DOCK11: variants seen among roughly 807,000 people sequenced by gnomAD.
DOCK11 encodes the protein dedicator of cytokinesis protein 11.
DOCK11 carries 70 observed loss-of-function variants against 169.1 expected under a neutral mutation model. The observed-to-expected ratio is 0.41, with a 90% confidence interval of 0.34 to 0.51. The LOEUF is 0.51. Among genes scored for constraint, DOCK11 ranks in the 20% least tolerant of loss-of-function variants. The pLI is 0.10. For synonymous variants in DOCK11, 529 were observed against 541.3 expected, an observed-to-expected ratio of 0.98 and a Z score of 0.32; for missense variants, 1,166 against 1,538.8, an observed-to-expected ratio of 0.76 and a Z score of 4.05.
intron 1 of DOCK11, among the ~76,000 whole-genome samples, chrX:118,520,314 T>A (rs1418955562): frequency 8.9e-6 from 1 of 112,516 alleles, no homozygotes; most frequent in Admixed American, 9.4e-5. Context: ...TTAAGGCTCC[T>A]GAGCTCTGGC....
chrX:118,639,959 G>A (rs2015488699), intron 38 of DOCK11, among the ~76,000 whole-genome samples: 1 of 111,808 alleles, frequency 8.9e-6, no homozygotes, highest in South Asian at 3.6e-4. Context: ...TTTATATTGA[G>A]TATTCTTCAT....
In DOCK11 at chrX:118,561,363, G is replaced by A. The variant is rs1468912554; in HGVS notation, c.559-20G>A. ...ATGTATATGTAACAAATGTATCATTGCTGGGTTTTCCCCATGTAGGTATTC... is the reference window on the plus strand; with the variant it reads ...ATGTATATGTAACAAATGTATCATTACTGGGTTTTCCCCATGTAGGTATTC... On this transcript the variant is annotated intron_variant, in intron 6 of 52. Coordinates refer to ENST00000276202, the MANE Select transcript of DOCK11 (RefSeq NM_144658.4). 1.7e-6 allele frequency: 2 copies of A among 1,163,406 alleles called. No homozygotes were observed. The highest frequency in any genetic ancestry group is 4.1e-5 in the South Asian group (2 of 48,954).
intron 1 of DOCK11, among the ~76,000 whole-genome samples, chrX:118,530,462 C>T (rs1603034757): frequency 8.9e-6 from 1 of 112,477 alleles, no homozygotes; most frequent in Non-Finnish European, 1.9e-5. Flanking sequence ...CACTAGGAAA[C>T]AGTCTAAACT....
chrX:118,547,906 A>G (rs2012346278), intron 6 of DOCK11, among the ~76,000 whole-genome samples: 1 of 112,094 alleles, frequency 8.9e-6, no homozygotes, highest in Non-Finnish European at 1.9e-5. Flanking sequence ...AAATAGGGCC[A>G]GGCAGGAGGC....
Position 118,675,952 on chromosome X carries a change from A to C in DOCK11, c.5216A>C (p.Tyr1739Ser). Residue 1739 changes from tyrosine to serine, a missense_variant, in exon 47 of 53, where the codon TAT (tyrosine) becomes TCT (serine). Coordinates refer to ENST00000276202, the MANE Select transcript of DOCK11 (RefSeq NM_144658.4). ...RREFEKLTQV[Y>S]RTLHGAYTKI... The stretch of plus-strand genomic sequence containing the variant: ...ATTTTTCAGAAACTTACTCAAGTTT[A>C]TAGAACTCTTCATGGAGCTTACACA... 8.5e-7 allele frequency: 1 copy of C among 1,173,234 alleles called. No homozygotes were observed. The highest frequency in any genetic ancestry group is 1.1e-6 in the Non-Finnish European group (1 of 874,628).
chrX:118,598,255 C>T (rs2014230562), intron 22 of DOCK11, 139 bp downstream of exon 22: 2 of 408,826 alleles, frequency 4.9e-6, no homozygotes, highest in Non-Finnish European at 8.4e-6. Flanking sequence ...TGTCCAGGTG[C>T]AGTGGCTCAT....
chrX:118,658,739 A>T (rs1394750794), intron 44 of DOCK11, among the ~76,000 whole-genome samples: 1 of 112,355 alleles, frequency 8.9e-6, no homozygotes, highest in Non-Finnish European at 1.9e-5. Flanking sequence ...ATAAAATAAA[A>T]AATGTCAGAA....
chrX:118,671,179 T>C (rs375320616), intron 46 of DOCK11, 34 bp downstream of exon 46: 9 of 1,174,693 alleles, frequency 7.7e-6, no homozygotes, highest in African/African-American at 7.1e-5. Flanking sequence ...CATTGACTTA[T>C]GTATTTTATT....
At position 118,542,731 on chromosome X, in the gene DOCK11, G is replaced by A; in HGVS notation, c.109G>A (p.Ala37Thr). ...AVRGSVVLEK[A>T]KVVEPLDYEN... ...ACTTTTGTCTCTTATAAAGGAAAAG[G>A]CCAAAGTTGTTGAGCCCCTGGACTA... Residue 37 changes from alanine (A) to threonine (T), a missense_variant, in exon 2 of 53, where the codon GCC becomes ACC. By Grantham distance (58) the Ala-to-Thr change is moderately conservative (BLOSUM62 0). Coordinates refer to ENST00000276202, the MANE Select transcript of DOCK11 (RefSeq NM_144658.4). The A allele has an allele frequency of 1.7e-6, 2 of 1,202,872 alleles. No individual in the cohort carries two copies. Among genetic ancestry groups the A allele is most frequent in the Non-Finnish European group, 2.2e-6 (2 of 889,742 alleles).
intron 1 of DOCK11, among the ~76,000 whole-genome samples, chrX:118,521,337 A>G (rs1171623604): frequency 1.8e-5 from 2 of 112,315 alleles, no homozygotes; most frequent in African/African-American, 6.5e-5. Context: ...ATGAGGCCTA[A>G]AGGGATAATC....
Position 118,643,502 on chromosome X carries a change from G to C in DOCK11, c.4306G>C (p.Val1436Leu). The C allele has an allele frequency of 8.3e-7, 1 of 1,209,556 alleles. No homozygotes were observed. The highest frequency in any genetic ancestry group is 1.1e-6 in the Non-Finnish European group (1 of 893,989). The change falls in exon 40 of 53, where the codon GTG (valine) becomes CTG (leucine). Residue 1436 changes from valine (V) to leucine (L), a missense_variant. Physicochemically the swap from Val to Leu is conservative, Grantham distance 32. Coordinates refer to ENST00000276202, the MANE Select transcript of DOCK11 (RefSeq NM_144658.4). ...NDGHNPLMKK[V>L]FDIHLAFLKN... ...TGGCCATAACCCATTAATGAAAAAA[G>C]TGTTTGATATACATCTTGCTTTTCT...
intron 39 of DOCK11, 67 bp from the exon 40 acceptor site, chrX:118,643,390 A>C: frequency 9.7e-7 from 1 of 1,031,641 alleles, no homozygotes; most frequent in Non-Finnish European, 1.3e-6. Flanking sequence ...TTTCATAAAC[A>C]GGTATTGGTG....
rs772726998 is a variant in DOCK11 at position 118,681,064 on chromosome X, A to G, written c.5678A>G (p.Asn1893Ser). 8.6e-7 allele frequency: 1 copy of G among 1,168,425 alleles called. No homozygotes were observed. Among genetic ancestry groups the G allele is most frequent in the Non-Finnish European group, 1.1e-6 (1 of 875,893 alleles). The change falls in exon 50 of 53, where the codon AAC (asparagine) becomes AGC (serine). Residue 1893 changes from asparagine (N) to serine (S), a missense_variant. Asn to Ser is a conservative substitution (Grantham distance 46, BLOSUM62 1). Coordinates refer to ENST00000276202, the MANE Select transcript of DOCK11 (RefSeq NM_144658.4). Reference sequence around the variant, plus strand: ...AATCTTAACATTTTAATAGCTTCAAACTCGTTTCCTTACGTGAAGAAGAGG... The same window carrying G: ...AATCTTAACATTTTAATAGCTTCAAGCTCGTTTCCTTACGTGAAGAAGAGG... Reference protein sequence around the residue: ...CKRRTILTTSNSFPYVKKRIP... With the variant: ...CKRRTILTTSSSFPYVKKRIP...
At chrX:118,609,471 C>A in intron 27 of DOCK11, 122 bp downstream of exon 27, 1 of 486,256 alleles carries the variant, frequency 2.1e-6, no homozygotes, top group Non-Finnish European at 3.3e-6. Context: ...CCATGCAAAT[C>A]CCATTTTATA....
chrX:118,552,088 G>T (rs1467743524), intron 6 of DOCK11, among the ~76,000 whole-genome samples: 1 of 108,791 alleles, frequency 9.2e-6, no homozygotes, highest in African/African-American at 3.3e-5. Context: ...AAGGAAGGGA[G>T]GAATCACATC....
At chrX:118,508,758 C>T (rs1158190552) in intron 1 of DOCK11, among the ~76,000 whole-genome samples, 1 of 112,231 alleles carries the variant, frequency 8.9e-6, no homozygotes, top group African/African-American at 3.2e-5. Context: ...CTCCTAGTGA[C>T]CGACATGACC....
rs987368651 is a variant in DOCK11 at position 118,566,136 on chromosome X, C to T, written c.825C>T (p.Thr275=). Residue 275 remains threonine (T), a synonymous_variant, in exon 8 of 53, where the codon ACC becomes ACT. Transcript: ENST00000276202. ...ITLKKIIQIN[T]DSLVQEKKET... ...TGAAAAAGATTATTCAGATCAACAC[C>T]GACAGTTTAGTTCAAGAAAAAAAGG... is the stretch of plus-strand genomic sequence containing the variant. 114 of 1,206,139 alleles carry T rather than the reference C, an allele frequency of 9.5e-5. No individual in the cohort carries two copies. Among genetic ancestry groups the T allele is most frequent in the Non-Finnish European group, 1.2e-4 (104 of 893,685 alleles).
In DOCK11 at chrX:118,550,700, A is replaced by G. The variant is rs188123318; in HGVS notation, c.558+4584A>G. On this transcript the variant is annotated intron_variant, in intron 6 of 52. Coordinates refer to ENST00000276202, the MANE Select transcript of DOCK11 (RefSeq NM_144658.4). ...TTTGTACCTTTCAGTGCTCTGTTAC[A>G]GGGTGGGGGATCATATAAGTTCTTC... Among the ~76,000 whole-genome samples, 541 of 111,218 alleles carry G rather than the reference A, an allele frequency of 4.9e-3. 3 individuals carry two copies. Among genetic ancestry groups the G allele is most frequent in the Non-Finnish European group, 8.3e-3 (438 of 53,059 alleles).
chrX:118,655,019 A>G, intron 44 of DOCK11, 58 bp downstream of exon 44: 3 of 1,061,231 alleles, frequency 2.8e-6, no homozygotes, highest in Non-Finnish European at 3.9e-6. Context: ...ATAGTTTTTT[A>G]TCTTTGTAGT....
Sources: allele counts gnomAD v4.1 joint callset (sites outside exome capture counted in the v4.1 genomes callset), GRCh38; gene constraint gnomAD v4.1.1; transcripts MANE v1.5; gene names NCBI Gene and HGNC (gene_info 2026-07-23, HGNC 2026-07-21).